SLC4A4: variants seen among roughly 807,000 people sequenced by gnomAD.
The protein encoded by SLC4A4 is electrogenic sodium bicarbonate cotransporter 1.
A neutral mutation model predicts 111.5 loss-of-function variants in SLC4A4; 27 were observed. The observed-to-expected ratio is 0.24, with a 90% CI of 0.18 to 0.33. SLC4A4 has a LOEUF of 0.33. Ranked by LOEUF, SLC4A4 falls within the 10% of genes least tolerant of loss-of-function variation. The probability of loss-of-function intolerance (pLI) is 1.00; values close to 1 mark genes in which losing one functional copy is unlikely to be tolerated. For synonymous variants in SLC4A4, 443 were observed against 463.4 expected, an observed-to-expected ratio of 0.96 and a Z score of 0.57; for missense variants, 909 against 1,315.5, an observed-to-expected ratio of 0.69 and a Z score of 4.78.
chr4:71,103,578 AC>A (rs778978912), intron 2 of SLC4A4, among the ~76,000 whole-genome samples: 57 of 152,320 alleles, frequency 3.7e-4, no homozygotes, highest in Non-Finnish European at 5.6e-4. Flanking sequence ...TATCTCTCAG[AC>A]CACAGTGCAA....
At chr4:71,433,924 A>G (rs1723872782) in intron 7 of SLC4A4, among the ~76,000 whole-genome samples, 1 of 152,104 alleles carries the variant, frequency 6.6e-6, no homozygotes. Context: ...TAGTAGAGCT[A>G]CTTTCATCAG....
intron 1 of SLC4A4, among the ~76,000 whole-genome samples, chr4:71,086,941 C>T (rs1742195459): frequency 2.0e-5 from 3 of 152,082 alleles, no homozygotes; most frequent in Admixed American, 2.0e-4. Flanking sequence ...GGGAGGATTC[C>T]CTCTTTTTCT....
intron 4 of SLC4A4, among the ~76,000 whole-genome samples, chr4:71,345,847 A>G (rs1729284089): frequency 6.6e-6 from 1 of 152,148 alleles, no homozygotes; most frequent in Non-Finnish European, 1.5e-5. Flanking sequence ...AGTTATGTCC[A>G]TGTAGTTGTG....
At chr4:71,316,649 C>G (rs183077947) in intron 3 of SLC4A4, among the ~76,000 whole-genome samples, 1 of 152,214 alleles carries the variant, frequency 6.6e-6, no homozygotes, top group East Asian at 1.9e-4. Context: ...CACCTATCAA[C>G]CCATCACGTA....
chr4:71,338,085 G>A (rs200661211), intron 3 of SLC4A4, among the ~76,000 whole-genome samples: 11 of 151,850 alleles, frequency 7.2e-5, no homozygotes, highest in East Asian at 3.9e-4. Flanking sequence ...CACCCGCCTC[G>A]GCCTCCCAAA....
intron 7 of SLC4A4, among the ~76,000 whole-genome samples, chr4:71,420,381 G>A (rs1158362403): frequency 6.6e-6 from 1 of 152,078 alleles, no homozygotes; most frequent in Admixed American, 6.5e-5. Flanking sequence ...GAAAGTGATG[G>A]GGAGAATGGA....
chr4:71,568,187 T>G lies in SLC4A4; in HGVS notation c.*436T>G. On this transcript the variant is annotated 3_prime_UTR_variant, in exon 26 of 26. Transcript: ENST00000264485. ...GCACAGACCCTGTCCTTTGCCTCTA[T>G]TAAGCAGAGGATGGAAGTATTAAGG... 3.8e-6 allele frequency: 1 copy of G among 261,908 alleles called. No individual in the cohort carries two copies. The highest frequency in any genetic ancestry group is 7.2e-6 in the Non-Finnish European group (1 of 138,898). The allele number at this position is 261,908 out of a possible 1,614,324, so 16.2% of individuals were successfully genotyped here.
chr4:71,198,596 G>C (rs1194247820), intron 1 of SLC4A4, among the ~76,000 whole-genome samples: 1 of 82,710 alleles, frequency 1.2e-5, no homozygotes. Flanking sequence ...TCTGAAAGGA[G>C]ACCTCACCAA....
At chr4:71,197,364 T>G (rs1199535484) in intron 1 of SLC4A4, among the ~76,000 whole-genome samples, 1 of 152,204 alleles carries the variant, frequency 6.6e-6, no homozygotes, top group African/African-American at 2.4e-5. Flanking sequence ...GTCTTTGTTA[T>G]TATGGTTTGT....
intron 1 of SLC4A4, among the ~76,000 whole-genome samples, chr4:71,206,906 A>G (rs1242660972): frequency 6.6e-6 from 1 of 152,094 alleles, no homozygotes; most frequent in African/African-American, 2.4e-5. Context: ...CAAGCGAATC[A>G]TGCAGTGGTT....
intron 1 of SLC4A4, among the ~76,000 whole-genome samples, chr4:71,200,233 C>T (rs2602091): frequency 0.16 from 24,202 of 152,134 alleles, 3,139 homozygotes; most frequent in African/African-American, 0.33. Context: ...TTGTGAGAAA[C>T]TGTGAACCTG....
At chr4:71,101,658 CA>C (rs1742738781) in intron 2 of SLC4A4, among the ~76,000 whole-genome samples, 1 of 152,166 alleles carries the variant, frequency 6.6e-6, no homozygotes, top group South Asian at 2.1e-4. Context: ...CCAGCAGGGG[CA>C]CACTGACATC....
At chr4:71,147,958 C>T (rs1385984) in intron 2 of SLC4A4, among the ~76,000 whole-genome samples, 111,472 of 152,050 alleles carry the variant, frequency 0.73, 42,632 homozygotes, top group Admixed American at 0.84. Context: ...TGGGCCTGAC[C>T]AGTGAGCAAG....
intron 21 of SLC4A4, among the ~76,000 whole-genome samples, chr4:71,555,945 C>T (rs1362047096): frequency 6.6e-6 from 1 of 151,878 alleles, no homozygotes; most frequent in African/African-American, 2.4e-5. Context: ...AAATTGGCAC[C>T]AGGAAACTGG....
At chr4:71,365,162 C>G (rs976221502) in intron 6 of SLC4A4, among the ~76,000 whole-genome samples, 1 of 152,154 alleles carries the variant, frequency 6.6e-6, no homozygotes, top group African/African-American at 2.4e-5. Context: ...TTTTATACAT[C>G]TAGGGTCTGT....
At chr4:71,129,684 C>G (rs939489024) in intron 2 of SLC4A4, among the ~76,000 whole-genome samples, 1 of 150,118 alleles carries the variant, frequency 6.7e-6, no homozygotes, top group Non-Finnish European at 1.5e-5. Flanking sequence ...CATTGCAGCA[C>G]TACTCACAAT....
At chr4:71,522,129 G>A (rs1224606551) in intron 16 of SLC4A4, among the ~76,000 whole-genome samples, 3 of 152,150 alleles carry the variant, frequency 2.0e-5, no homozygotes, top group Non-Finnish European at 4.4e-5. Context: ...GTACTCCATT[G>A]ACAGTCTTTT....
At chr4:71,144,085 A>G (rs917830260) in intron 2 of SLC4A4, among the ~76,000 whole-genome samples, 9 of 152,218 alleles carry the variant, frequency 5.9e-5, no homozygotes, top group Non-Finnish European at 1.0e-4. Flanking sequence ...TTTAGGTCTA[A>G]CATGTAAGTA....
rs563073389 is a variant in SLC4A4 at position 71,399,212 on chromosome 4, A to G, written c.807+1559A>G. 2.0e-5 allele frequency among the ~76,000 whole-genome samples: 3 copies of G among 152,248 alleles called. No individual in the cohort carries two copies. The South Asian group carries it at 6.2e-4, about 32-fold the overall frequency. On this transcript the variant is annotated intron_variant, in intron 7 of 25. Transcript: ENST00000264485. ...ATGGAGGTTGTGGAATCAATCCCCA[A>G]CATATACTGAGGGATGACTTGTTCT...
Sources: gnomAD v4.1 joint callset for allele counts (sites outside exome capture counted in the v4.1 genomes callset) on GRCh38, gnomAD v4.1.1 for gene constraint, MANE v1.5 for transcripts, NCBI Gene and HGNC (gene_info 2026-07-23, HGNC 2026-07-21) for gene names.